The following ODAD2 variants were observed in gnomAD, a reference collection of about 807,000 sequenced individuals.
The protein encoded by ODAD2 is outer dynein arm-docking complex subunit 2.
A neutral mutation model predicts 106.8 loss-of-function variants in ODAD2; 89 were observed. The observed-to-expected ratio is 0.83, with a 90% CI of 0.70 to 0.99. ODAD2 has a LOEUF of 0.99. Ranked by LOEUF, ODAD2 falls within the 50% of genes least tolerant of loss-of-function variation. The pLI is 0.00. For missense variants in ODAD2, 1,168 were observed against 1,238.5 expected, an observed-to-expected ratio of 0.94 and a Z score of 0.85; for synonymous variants, 404 against 436.2, an observed-to-expected ratio of 0.93 and a Z score of 0.92.
chr10:27,841,334 C>A (rs916675474), intron 19 of ODAD2, among the ~76,000 whole-genome samples: 1 of 152,166 alleles, frequency 6.6e-6, no homozygotes, highest in African/African-American at 2.4e-5. Context: ...TTCTCATGCG[C>A]TTACAGCTCA....
rs576359505 is a variant in ODAD2, at chr10:27,853,864, A to G, written c.3021+6761T>C. ...TAGGCAAATATTTCTCAGATATGCA[A>G]CCAAAAACACAATTCATTAAAAAAA... On this transcript the variant is annotated intron_variant, in intron 19 of 19. Coordinates refer to ENST00000305242, the MANE Select transcript of ODAD2 (RefSeq NM_018076.5). 2.0e-5 allele frequency among the ~76,000 whole-genome samples: 3 copies of G among 152,346 alleles called. No individual in the cohort carries two copies. The South Asian group carries it at 6.2e-4, about 32-fold the overall frequency.
intron 7 of ODAD2, among the ~76,000 whole-genome samples, chr10:27,978,689 G>T (rs1478161807): frequency 6.6e-6 from 1 of 152,034 alleles, no homozygotes. Context: ...CTACTATGGG[G>T]GCTGAGGCAG....
At chr10:27,964,267 T>C (rs533303017) in intron 9 of ODAD2, among the ~76,000 whole-genome samples, 3 of 152,292 alleles carry the variant, frequency 2.0e-5, no homozygotes, top group African/African-American at 7.2e-5. Context: ...GTTAGTGAAG[T>C]GGCTGTGCTA....
intron 12 of ODAD2, 36 bp downstream of exon 12, chr10:27,944,186 G>C (rs763806311): frequency 6.4e-7 from 1 of 1,555,770 alleles, no homozygotes; most frequent in African/African-American, 1.4e-5. Context: ...GTGGCGGCTG[G>C]CACTAGATGA....
chr10:27,992,213 CA>C (rs1184412929), intron 2 of ODAD2, among the ~76,000 whole-genome samples: 1 of 152,180 alleles, frequency 6.6e-6, no homozygotes, highest in East Asian at 1.9e-4. Context: ...AATACAACAG[CA>C]ATACCTCTCT....
chr10:27,868,766 A>C (rs529974072), intron 17 of ODAD2, among the ~76,000 whole-genome samples: 1 of 152,252 alleles, frequency 6.6e-6, no homozygotes, highest in Non-Finnish European at 1.5e-5. Flanking sequence ...AGGTGCAGCA[A>C]ACCACCATGG....
intron 8 of ODAD2, among the ~76,000 whole-genome samples, chr10:27,970,473 T>G (rs1228668235): frequency 6.6e-6 from 1 of 152,126 alleles, no homozygotes; most frequent in East Asian, 1.9e-4. Context: ...TCCAAGTGTT[T>G]TATCATCTTT....
At chr10:27,917,422 T>C (rs1844475447) in intron 16 of ODAD2, among the ~76,000 whole-genome samples, 1 of 152,026 alleles carries the variant, frequency 6.6e-6, no homozygotes, top group African/African-American at 2.4e-5. Context: ...AGACAAGAAT[T>C]GGCCTATAAT....
At chr10:27,904,288 A>G (rs1424879219) in intron 17 of ODAD2, 14 of 394,556 alleles carry the variant, frequency 3.5e-5, no homozygotes, top group Non-Finnish European at 6.7e-5. Context: ...GCACAGGACA[A>G]GAAAGGCAAG....
chr10:27,907,875 T>C, intron 16 of ODAD2, 98 bp from the exon 17 acceptor site: 1 of 874,376 alleles, frequency 1.1e-6, no homozygotes, highest in East Asian at 2.7e-5. Context: ...CTCCTTTTGA[T>C]ATTTTGCTTA....
At chr10:27,885,581 T>A (rs1842060534) in intron 17 of ODAD2, among the ~76,000 whole-genome samples, 2 of 67,478 alleles carry the variant, frequency 3.0e-5, no homozygotes, top group Non-Finnish European at 5.3e-5. Context: ...TATATATAAA[T>A]ATATAAATAT....
At chr10:27,898,474 G>A (rs1416767897) in intron 17 of ODAD2, among the ~76,000 whole-genome samples, 2 of 152,092 alleles carry the variant, frequency 1.3e-5, no homozygotes, top group African/African-American at 2.4e-5. Context: ...TCATGTGGGT[G>A]TGTGTCTTTA....
chr10:27,963,416 G>GA (rs377540384), intron 9 of ODAD2, among the ~76,000 whole-genome samples: 2 of 151,618 alleles, frequency 1.3e-5, no homozygotes, highest in East Asian at 3.9e-4. Context: ...ATTAAGAGGA[G>GA]AAAAAAAATC....
At chr10:27,885,838 T>A (rs1245557757) in intron 17 of ODAD2, among the ~76,000 whole-genome samples, 1 of 97,418 alleles carries the variant, frequency 1.0e-5, no homozygotes, top group Admixed American at 1.7e-4. Context: ...AATATATATA[T>A]TTGTTTGGAT....
chr10:27,969,129 G>A (rs1848662284), intron 8 of ODAD2, 111 bp from the exon 9 acceptor site: 2 of 662,824 alleles, frequency 3.0e-6, no homozygotes, highest in South Asian at 3.6e-5. Context: ...CTCAAATGAT[G>A]CGTGTTCCTG....
At chr10:27,986,851 CTG>C (rs1849903019) in intron 3 of ODAD2, among the ~76,000 whole-genome samples, 1 of 152,102 alleles carries the variant, frequency 6.6e-6, no homozygotes, top group African/African-American at 2.4e-5. Flanking sequence ...AGTTGAATGA[CTG>C]TAACTATTCA....
chr10:27,947,228 G>A (rs1364700386), intron 10 of ODAD2, among the ~76,000 whole-genome samples: 3 of 151,872 alleles, frequency 2.0e-5, no homozygotes, highest in Non-Finnish European at 2.9e-5. Context: ...CCCATATTTG[G>A]GTGCAGGAGG....
At position 27,935,230 on chromosome 10, in the gene ODAD2, C is replaced by T; in HGVS notation, c.2275G>A (p.Glu759Lys). Residue 759 changes from glutamate (E) to lysine (K), a missense_variant, in exon 16 of 20, where the codon GAA becomes AAA. Physicochemically the swap from Glu to Lys is moderately conservative, Grantham distance 56. Around this residue, in one of 3 missense-constraint regions of ODAD2, gnomAD observed 701 missense variants for 712.3 expected, o/e 0.98. Coordinates refer to ENST00000305242, the MANE Select transcript of ODAD2 (RefSeq NM_018076.5). ...VTKFREYKAI[E>K]TLVGLLTDQP... ...TCTGTTAGAAGTCCCACCAAGGTTT[C>T]AATGGCTTTGTATTCCCGAAACCTA... The T allele has an allele frequency of 6.2e-7, 1 of 1,613,898 alleles. No individual in the cohort carries two copies. Among genetic ancestry groups the T allele is most frequent in the Non-Finnish European group, 8.5e-7 (1 of 1,179,832 alleles).
intron 10 of ODAD2, among the ~76,000 whole-genome samples, chr10:27,960,570 G>A (rs1192729150): frequency 1.3e-5 from 2 of 151,774 alleles, no homozygotes; most frequent in African/African-American, 4.8e-5. Context: ...GGCTGGTCTT[G>A]AACTCCTGAC....
Sources: allele counts gnomAD v4.1 joint callset (sites outside exome capture counted in the v4.1 genomes callset), GRCh38; gene constraint gnomAD v4.1.1; regional missense constraint gnomAD v4.1.1; transcripts MANE v1.5; gene names NCBI Gene and HGNC (gene_info 2026-07-23, HGNC 2026-07-21).